The following CWH43 variants were observed in gnomAD, a reference collection of about 807,000 sequenced individuals.
CWH43 encodes the protein PGAP2-interacting protein.
CWH43 carries 91 observed loss-of-function variants against 85.7 expected under a neutral mutation model. The ratio of observed to expected loss-of-function variants is 1.06; its 90% confidence interval spans 0.90 to 1.26. CWH43 has a LOEUF of 1.26. Ranked by LOEUF, CWH43 falls within the 50% of genes most tolerant of loss-of-function variation. The pLI is 0.00. For synonymous variants in CWH43, 323 were observed against 293.6 expected (o/e 1.10, Z -1.02); for missense variants, 869 against 839.2 (o/e 1.04, Z -0.44).
intron 9 of CWH43, among the ~76,000 whole-genome samples, chr4:49,017,970 G>C (rs1783613652): frequency 6.6e-6 from 1 of 152,010 alleles, no homozygotes; most frequent in Non-Finnish European, 1.5e-5. Context: ...GAGTAGCTGG[G>C]ACTATAGGCG....
intron 12 of CWH43, among the ~76,000 whole-genome samples, chr4:49,033,091 A>G (rs1462169601): frequency 6.6e-6 from 1 of 152,208 alleles, no homozygotes; most frequent in Admixed American, 6.5e-5. Flanking sequence ...AGGAGCAAGC[A>G]CACAGCCAGG....
At position 49,007,315 on chromosome 4, in the gene CWH43, A is replaced by T. The variant is rs1328391957; in HGVS notation, c.1175A>T (p.Tyr392Phe). ...GTGCTTTTCAGAAAGAGTGAAAAAT[A>T]CATGAAACTTTGTAAGTATAGTTTT... ...SKVLFRKSEK[Y>F]MKLFLWLLVG... The change falls in exon 8 of 16, where the codon TAC becomes TTC. Residue 392 changes from tyrosine to phenylalanine, a missense_variant. Tyr to Phe is a conservative substitution (Grantham distance 22, BLOSUM62 3). Around this residue, in one of 3 missense-constraint regions of CWH43, gnomAD observed 577 missense variants for 513.1 expected, o/e 1.12. Coordinates refer to ENST00000226432, the MANE Select transcript of CWH43 (RefSeq NM_025087.3). 1 of 1,594,360 alleles carries T rather than the reference A, an allele frequency of 6.3e-7. No homozygotes were observed. The highest frequency in any genetic ancestry group is 8.5e-7 in the Non-Finnish European group (1 of 1,173,264).
chr4:49,007,625 C>T lies in CWH43; in HGVS notation c.1186+299C>T, dbSNP rs1399858384. 2.3e-4 allele frequency among the ~76,000 whole-genome samples: 35 copies of T among 152,160 alleles called. 1 individual carries two copies. The East Asian group carries it at 6.4e-3, about 28-fold the overall frequency. ...TTCCTCCTAATGCTATCCCTCCCCC[C>T]TCACCCCACCCCACAGCAGGCCCCA... On this transcript the variant is annotated intron_variant, in intron 8 of 15. Coordinates refer to ENST00000226432, the MANE Select transcript of CWH43 (RefSeq NM_025087.3).
intron 13 of CWH43, among the ~76,000 whole-genome samples, chr4:49,039,191 C>A (rs1290339372): frequency 7.0e-6 from 1 of 142,178 alleles, no homozygotes; most frequent in Non-Finnish European, 1.5e-5. Context: ...AGGGCCCCAG[C>A]AGATGACACT....
In CWH43 at chr4:49,044,751, A is replaced by G. The variant is rs368302776; in HGVS notation, c.1804-35A>G. ...AATGTGGAATAGAGCTTTGCTTTTT[A>G]TGCTTTAAACATTCTCCTCTCTGCT... is the stretch of plus-strand genomic sequence containing the variant. On this transcript the variant is annotated intron_variant, in intron 13 of 15. Coordinates refer to ENST00000226432, the MANE Select transcript of CWH43 (RefSeq NM_025087.3). The G allele has an allele frequency of 1.1e-5, 17 of 1,575,894 alleles. No homozygotes were observed. The African/African-American group carries it at 1.8e-4, about 16-fold the overall frequency.
intron 9 of CWH43, among the ~76,000 whole-genome samples, chr4:49,026,119 G>A (rs1323462199): frequency 6.6e-6 from 1 of 152,178 alleles, no homozygotes; most frequent in African/African-American, 2.4e-5. Flanking sequence ...CAGGTTTCCA[G>A]AGAAGTGGGA....
At chr4:49,025,939 A>G (rs1360382041) in intron 9 of CWH43, among the ~76,000 whole-genome samples, 1 of 152,080 alleles carries the variant, frequency 6.6e-6, no homozygotes, top group Non-Finnish European at 1.5e-5. Context: ...TTCTTCAGCT[A>G]CCAGGGCCAG....
chr4:48,991,150 G>A (rs528228182), intron 2 of CWH43, among the ~76,000 whole-genome samples: 2 of 152,220 alleles, frequency 1.3e-5, no homozygotes, highest in East Asian at 3.9e-4. Context: ...AATGAGAAGT[G>A]ACCTGCTAAT....
At chr4:49,042,489 C>T (rs943608638) in intron 13 of CWH43, among the ~76,000 whole-genome samples, 2 of 152,062 alleles carry the variant, frequency 1.3e-5, no homozygotes, top group African/African-American at 4.8e-5. Context: ...ATTTGTGGGA[C>T]ATTAATGGAG....
chr4:48,999,797 C>G (rs1253434714), intron 6 of CWH43, among the ~76,000 whole-genome samples: 1 of 152,134 alleles, frequency 6.6e-6, no homozygotes, highest in Non-Finnish European at 1.5e-5. Flanking sequence ...CAGGGGAGCT[C>G]CCAGCCTTCC....
chr4:49,002,662 A>G (rs532743656), intron 6 of CWH43, among the ~76,000 whole-genome samples: 2 of 152,310 alleles, frequency 1.3e-5, no homozygotes, highest in African/African-American at 4.8e-5. Context: ...TAGGTATTTG[A>G]AATCTCCCTA....
At chr4:48,986,765 G>A in intron 1 of CWH43, 1 of 1,268,374 alleles carries the variant, frequency 7.9e-7, no homozygotes, top group Non-Finnish European at 9.9e-7. Flanking sequence ...TCCTCGTGTC[G>A]GCCTTGACCC....
intron 8 of CWH43, among the ~76,000 whole-genome samples, chr4:49,013,428 C>A (rs1380737086): frequency 6.6e-6 from 1 of 152,252 alleles, no homozygotes; most frequent in Non-Finnish European, 1.5e-5. Context: ...AAGGGAAATC[C>A]TCTGGCCCCT....
At chr4:49,052,699 C>T (rs554488106) in intron 15 of CWH43, among the ~76,000 whole-genome samples, 1 of 152,262 alleles carries the variant, frequency 6.6e-6, no homozygotes, top group African/African-American at 2.4e-5. Flanking sequence ...ATTTGCTTTC[C>T]CACTCAGTTT....
intron 7 of CWH43, among the ~76,000 whole-genome samples, chr4:49,005,536 T>A (rs552006306): frequency 3.9e-5 from 6 of 151,994 alleles, no homozygotes; most frequent in Admixed American, 6.6e-5. Flanking sequence ...AGTGAAGGCT[T>A]CTATTAGGGT....
At chr4:49,056,342 T>C (rs1375845535) in intron 15 of CWH43, among the ~76,000 whole-genome samples, 1 of 152,136 alleles carries the variant, frequency 6.6e-6, no homozygotes, top group Non-Finnish European at 1.5e-5. Flanking sequence ...CAGTTCAATT[T>C]TCTTATGCAT....
At chr4:49,024,794 T>G (rs985423925) in intron 9 of CWH43, among the ~76,000 whole-genome samples, 1 of 152,136 alleles carries the variant, frequency 6.6e-6, no homozygotes, top group Non-Finnish European at 1.5e-5. Context: ...TCTTTTTTTT[T>G]GTCTTGATTT....
intron 2 of CWH43, among the ~76,000 whole-genome samples, chr4:48,989,876 T>G (rs73246061): frequency 0.021 from 3,187 of 152,346 alleles, 52 homozygotes; most frequent in Non-Finnish European, 0.031. Context: ...AAATGAAGTT[T>G]CCTACCCTTA....
Position 49,003,919 on chromosome 4 carries a change from C to T in CWH43, c.987C>T (p.Phe329=). 1 of 1,613,828 alleles carries T rather than the reference C, an allele frequency of 6.2e-7. No homozygotes were observed. Among genetic ancestry groups the T allele is most frequent in the Non-Finnish European group, 8.5e-7 (1 of 1,179,872 alleles). Residue 329 remains phenylalanine (F), a synonymous_variant, in exon 7 of 16, where the codon TTC becomes TTT. Coordinates refer to ENST00000226432, the MANE Select transcript of CWH43 (RefSeq NM_025087.3). ...AMIFYLLEIF[F]CAWCTAFKFV... is the part of the protein sequence containing the mutation. ...TATTTTATCTTCTAGAAATATTTTT[C>T]TGTGCCTGGTGCACAGCTTTTAAGT...
Sources: allele counts gnomAD v4.1 joint callset (sites outside exome capture counted in the v4.1 genomes callset), GRCh38; gene constraint gnomAD v4.1.1; regional missense constraint gnomAD v4.1.1; transcripts MANE v1.5; gene names NCBI Gene and HGNC (gene_info 2026-07-23, HGNC 2026-07-21).